PDLIM5: variants seen among roughly 807,000 people sequenced by gnomAD.
PDLIM5 encodes PDZ and LIM domain protein 5.
A neutral mutation model predicts 64.2 loss-of-function variants in PDLIM5; 34 were observed. The observed-to-expected ratio is 0.53, with a 90% CI of 0.40 to 0.71. PDLIM5 has a LOEUF of 0.71. Among genes scored for constraint, PDLIM5 ranks in the 30% least tolerant of loss-of-function variants. The probability of loss-of-function intolerance (pLI) is 0.00; values close to 1 mark genes in which losing one functional copy is unlikely to be tolerated. For missense variants in PDLIM5, 683 were observed against 733.6 expected (o/e 0.93, Z 0.80); for synonymous variants, 253 against 269.1 (o/e 0.94, Z 0.59).
Position 94,639,168 on chromosome 4 carries a change from A to G in PDLIM5, c.1109-1108A>G, listed in dbSNP as rs77066583. 9.0e-4 allele frequency among the ~76,000 whole-genome samples: 137 copies of G among 152,314 alleles called. 2 individuals carry two copies. In the East Asian group the frequency reaches 0.024, roughly 27 times the overall value. ...GATGGTGAAAACAGCCTGAGCATAC[A>G]TAGACCCATTCACAAGAAAAAGTGA... On this transcript the variant is annotated intron_variant, in intron 8 of 12. Transcript: ENST00000317968.
intron 8 of PDLIM5, among the ~76,000 whole-genome samples, chr4:94,627,308 T>C (rs1040274897): frequency 1.3e-5 from 2 of 152,184 alleles, no homozygotes; most frequent in African/African-American, 4.8e-5. Context: ...TAATTGCCTG[T>C]TTTCTTTTTC....
At chr4:94,515,663 A>C (rs1390075599) in intron 2 of PDLIM5, among the ~76,000 whole-genome samples, 1 of 152,200 alleles carries the variant, frequency 6.6e-6, no homozygotes, top group African/African-American at 2.4e-5. Context: ...CACTCAATGG[A>C]ATATACATGC....
chr4:94,565,311 A>G (rs964520621), intron 3 of PDLIM5, among the ~76,000 whole-genome samples: 2 of 152,196 alleles, frequency 1.3e-5, no homozygotes, highest in African/African-American at 2.4e-5. Flanking sequence ...TAAAAAATGT[A>G]TTATTCAGTG....
intron 2 of PDLIM5, chr4:94,456,149 TCAAA>T: frequency 2.0e-6 from 1 of 503,058 alleles, no homozygotes; most frequent in Non-Finnish European, 3.3e-6. Context: ...TTTTGCATAT[TCAAA>T]TAAATATGAA....
chr4:94,479,981 A>G (rs1328771354), intron 2 of PDLIM5, among the ~76,000 whole-genome samples: 1 of 152,164 alleles, frequency 6.6e-6, no homozygotes, highest in African/African-American at 2.4e-5. Flanking sequence ...AAGGAGAGAG[A>G]AGGAAAAAGT....
At chr4:94,614,204 G>A (rs1456465607) in intron 7 of PDLIM5, among the ~76,000 whole-genome samples, 5 of 151,888 alleles carry the variant, frequency 3.3e-5, no homozygotes, top group South Asian at 2.1e-4. Flanking sequence ...CTCGTGATCC[G>A]CCCACCTCGG....
intron 3 of PDLIM5, among the ~76,000 whole-genome samples, chr4:94,546,096 T>G (rs1732288072): frequency 6.6e-6 from 1 of 152,220 alleles, no homozygotes; most frequent in Admixed American, 6.5e-5. Flanking sequence ...CTTTTGTGCA[T>G]ATTATACAAA....
At chr4:94,585,123 C>T in intron 5 of PDLIM5, 1 of 599,566 alleles carries the variant, frequency 1.7e-6, no homozygotes, top group South Asian at 2.2e-5. Flanking sequence ...CAGAGTCTCG[C>T]TCTGTTGCCC....
chr4:94,519,119 T>C (rs1430829984), intron 2 of PDLIM5, among the ~76,000 whole-genome samples: 1 of 152,182 alleles, frequency 6.6e-6, no homozygotes, highest in Non-Finnish European at 1.5e-5. Flanking sequence ...ATGTGTGGCA[T>C]ATTCATCTCT....
intron 9 of PDLIM5, among the ~76,000 whole-genome samples, chr4:94,647,919 G>T (rs1560764079): frequency 2.0e-5 from 3 of 152,174 alleles, no homozygotes. Context: ...CAACCAGTGG[G>T]TCAGAAAAGA....
intron 7 of PDLIM5, among the ~76,000 whole-genome samples, chr4:94,610,859 A>G (rs1738305684): frequency 6.6e-6 from 1 of 152,202 alleles, no homozygotes. Flanking sequence ...TCAATGTTAT[A>G]TTAATGAGTA....
At chr4:94,585,115 G>C (rs145706719) in intron 5 of PDLIM5, 9,856 of 639,952 alleles carry the variant, frequency 0.015, 128 homozygotes, top group Non-Finnish European at 0.018. Flanking sequence ...TTGTGAAACA[G>C]AGTCTCGCTC....
At chr4:94,549,389 TTC>T (rs1732603171) in intron 3 of PDLIM5, among the ~76,000 whole-genome samples, 1 of 152,218 alleles carries the variant, frequency 6.6e-6, no homozygotes, top group Non-Finnish European at 1.5e-5. Flanking sequence ...GGTTATTCCC[TTC>T]TAAAGGGAAT....
chr4:94,615,338 T>C (rs949085900), intron 7 of PDLIM5, among the ~76,000 whole-genome samples: 2 of 152,196 alleles, frequency 1.3e-5, no homozygotes, highest in African/African-American at 4.8e-5. Context: ...ACGAATGTCC[T>C]GAATTAAAAA....
intron 11 of PDLIM5, 138 bp from the exon 12 acceptor site, chr4:94,662,284 T>C (rs1742796113): frequency 8.1e-6 from 4 of 494,466 alleles, no homozygotes; most frequent in Middle Eastern, 4.8e-4. Context: ...TTATGCCATC[T>C]CCTGAAATTT....
At chr4:94,520,318 A>T (rs1374553894) in intron 2 of PDLIM5, among the ~76,000 whole-genome samples, 1 of 152,196 alleles carries the variant, frequency 6.6e-6, no homozygotes, top group Non-Finnish European at 1.5e-5. Flanking sequence ...GGAGCCTCCC[A>T]CAACTGCTTC....
intron 8 of PDLIM5, among the ~76,000 whole-genome samples, chr4:94,630,188 A>G (rs1315567761): frequency 6.6e-6 from 1 of 151,968 alleles, no homozygotes; most frequent in Non-Finnish European, 1.5e-5. Flanking sequence ...CGAGAGTGCC[A>G]CTTTGATGTA....
rs1037377010 is a variant in PDLIM5 at position 94,560,412 on chromosome 4, A to G, written c.249-12939A>G. Among the ~76,000 whole-genome samples the G allele has an allele frequency of 2.0e-5, 3 of 152,294 alleles. No individual in the cohort carries two copies. In the East Asian group the frequency reaches 5.8e-4, roughly 29 times the overall value. ...AATTATTTCATTTCTCATTATTCCC[A>G]TACTCTCCCATTATTATGGCAGCCA... On this transcript the variant is annotated intron_variant, in intron 3 of 12. Coordinates refer to ENST00000317968, the MANE Select transcript of PDLIM5 (RefSeq NM_006457.5).
rs1290908506 is a variant in PDLIM5 at position 94,502,809 on chromosome 4, A to G, written c.97-20915A>G. Among the ~76,000 whole-genome samples, 6 of 152,070 alleles carry G rather than the reference A, an allele frequency of 3.9e-5. No individual in the cohort carries two copies. The East Asian group carries it at 9.6e-4, about 24-fold the overall frequency. ...GGAGAATTGCTTGAACCCAGGAGGC[A>G]GAGGTTGCAGTGAGTCAAGATCATG... On this transcript the variant is annotated intron_variant, in intron 2 of 12. Transcript: ENST00000317968.
Sources: gnomAD v4.1 joint callset for allele counts (sites outside exome capture counted in the v4.1 genomes callset) on GRCh38, gnomAD v4.1.1 for gene constraint, MANE v1.5 for transcripts, NCBI Gene and HGNC (gene_info 2026-07-23, HGNC 2026-07-21) for gene names.